Variants in C5 observed in about 807,000 individuals in gnomAD.
The protein encoded by C5 is C3 and PZP-like alpha-2-macroglobulin domain-containing protein 4.
A neutral mutation model predicts 218.8 loss-of-function variants in C5; 140 were observed. The ratio of observed to expected loss-of-function variants is 0.64; its 90% CI spans 0.56 to 0.74. The LOEUF is 0.74. Ranked by LOEUF, C5 falls within the 30% of genes least tolerant of loss-of-function variation. C5 has a pLI of 0.00. For synonymous variants in C5, 614 were observed against 682.3 expected (o/e 0.90, Z 1.56); for missense variants, 1,700 against 1,969.6 (o/e 0.86, Z 2.59).
the C5 span, among the ~76,000 whole-genome samples, chr9:121,071,365 CA>C: frequency 2.7e-5 from 4 of 149,236 alleles, no homozygotes; most frequent in African/African-American, 7.4e-5. Context: ...CCAACAAAAA[CA>C]AAAAAAAATA....
At position 120,962,358 on chromosome 9, in the gene C5, A is replaced by C. The variant is rs188410392; in HGVS notation, c.4504+313T>G. Among the ~76,000 whole-genome samples the C allele has an allele frequency of 7.3e-3, 1,105 of 152,260 alleles. 11 individuals carry two copies. Among genetic ancestry groups the C allele is most frequent in the African/African-American group, 0.025 (1,054 of 41,516 alleles). On this transcript the variant is annotated intron_variant, in intron 36 of 40. Transcript: ENST00000223642. ...TTGAGTTGATTTCTCTCAAAAGGAG[A>C]GATATGATTTATCTGTGAACACCAT...
the C5 span, among the ~76,000 whole-genome samples, chr9:121,056,061 T>A: frequency 6.6e-6 from 1 of 152,244 alleles, no homozygotes; most frequent in Non-Finnish European, 1.5e-5. Context: ...AGTGCTGAGA[T>A]GGCTGCAGTA....
chr9:120,999,878 T>A (rs1485597529), intron 20 of C5: 1 of 450,792 alleles, frequency 2.2e-6, no homozygotes, highest in South Asian at 1.6e-5. Context: ...GGCAGTATAG[T>A]GATATGCATG....
Position 120,953,888 on chromosome 9 carries a change from A to T in C5, c.4763-20T>A. On this transcript the variant is annotated intron_variant, in intron 39 of 40. Transcript: ENST00000223642. ...CTTCCCCTGAGAGACATGCAAGTCA[A>T]GTAAGGTTATACCATTCATGTTTTA... 6.2e-7 allele frequency: 1 copy of T among 1,613,506 alleles called. No homozygotes were observed. The highest frequency in any genetic ancestry group is 8.5e-7 in the Non-Finnish European group (1 of 1,179,414).
At chr9:121,002,238 GTATATGTATATATATGTA>G (rs1431421968) in intron 20 of C5, among the ~76,000 whole-genome samples, 19 of 58,588 alleles carry the variant, frequency 3.2e-4, no homozygotes, top group African/African-American at 5.1e-4. Context: ...ATGTATATAT[GTATATGTATATATATGTA>G]TATATGTATA....
At chr9:121,022,216 A>C in intron 10 of C5, among the ~76,000 whole-genome samples, 1 of 152,072 alleles carries the variant, frequency 6.6e-6, no homozygotes, top group African/African-American at 2.4e-5. Context: ...AAATGAGGCA[A>C]TCGCTTCTGG....
At chr9:121,066,877 C>A in the C5 span, among the ~76,000 whole-genome samples, 17,868 of 123,824 alleles carry the variant, frequency 0.14, 1,718 homozygotes, top group African/African-American at 0.27. Context: ...AAAAAAAAAA[C>A]AAAAACACAT....
chr9:120,990,752 A>G (rs2047071213), intron 23 of C5, among the ~76,000 whole-genome samples: 1 of 152,142 alleles, frequency 6.6e-6, no homozygotes, highest in Non-Finnish European at 1.5e-5. Context: ...AAATTTTGTT[A>G]TTTTGTTATG....
chr9:121,058,647 C>A, the C5 span, among the ~76,000 whole-genome samples: 2 of 152,080 alleles, frequency 1.3e-5, no homozygotes, highest in Non-Finnish European at 2.9e-5. Flanking sequence ...CCATATTGGC[C>A]AGGCTGGCCT....
chr9:121,036,903 A>G (rs1303743857), intron 4 of C5, among the ~76,000 whole-genome samples: 1 of 151,990 alleles, frequency 6.6e-6, no homozygotes, highest in Non-Finnish European at 1.5e-5. Context: ...GAGTAGCAGC[A>G]AAAGTGCTGC....
intron 32 of C5, 107 bp from the exon 33 acceptor site, chr9:120,969,225 C>T: frequency 2.3e-6 from 2 of 887,046 alleles, no homozygotes. Context: ...TCTTTGAACA[C>T]ACTTAAAAAT....
intron 5 of C5, among the ~76,000 whole-genome samples, chr9:121,033,737 T>C (rs1033344366): frequency 2.0e-5 from 3 of 152,254 alleles, no homozygotes; most frequent in Admixed American, 2.0e-4. Context: ...AAAATTTCAG[T>C]CAGCGAATTA....
At chr9:121,057,126 C>T in the C5 span, among the ~76,000 whole-genome samples, 5,880 of 152,124 alleles carry the variant, frequency 0.039, 186 homozygotes, top group Non-Finnish European at 0.063. Context: ...TTATATCCAG[C>T]ACAATTATTT....
At position 121,008,387 on chromosome 9, in the gene C5, A is replaced by C. The variant is rs768830694; in HGVS notation, c.2348+21T>G. On this transcript the variant is annotated intron_variant, in intron 18 of 40. Transcript: ENST00000223642. ...GCATTATCCACATTTCTTTCAAGGAAACATGAAAGAAGTATAATACCTTCT... is the reference window on the plus strand; with the variant it reads ...GCATTATCCACATTTCTTTCAAGGACACATGAAAGAAGTATAATACCTTCT... 1.9e-6 allele frequency: 3 copies of C among 1,555,300 alleles called. No individual in the cohort carries two copies. In the East Asian group the frequency reaches 6.7e-5, roughly 35 times the overall value.
In C5 at chr9:120,976,912, A is replaced by T; in HGVS notation, c.3659-7T>A. Reference sequence around the variant, plus strand: ...CGATAAATGGGTGGATTACCTGAACATCAACAAATTCCATTCATTAATATG... The same window carrying T: ...CGATAAATGGGTGGATTACCTGAACTTCAACAAATTCCATTCATTAATATG... On this transcript the variant is annotated splice_polypyrimidine_tract_variant and splice_region_variant and intron_variant, in intron 28 of 40. Coordinates refer to ENST00000223642, the MANE Select transcript of C5 (RefSeq NM_001735.3). The T allele has an allele frequency of 6.2e-7, 1 of 1,607,812 alleles. No individual in the cohort carries two copies. The highest frequency in any genetic ancestry group is 8.5e-7 in the Non-Finnish European group (1 of 1,174,242).
chr9:121,023,868 G>T (rs1216075235), intron 9 of C5, among the ~76,000 whole-genome samples: 5 of 151,980 alleles, frequency 3.3e-5, no homozygotes, highest in African/African-American at 1.2e-4. Flanking sequence ...ATTGAGGAGA[G>T]AGGGAAGGGT....
chr9:120,997,862 G>T (rs1180417529), intron 20 of C5, 88 bp from the exon 21 acceptor site: 2 of 1,117,466 alleles, frequency 1.8e-6, no homozygotes, highest in African/African-American at 1.5e-5. Context: ...GAGTGCAGCG[G>T]CATGATCTCA....
chr9:121,061,813 A>C, the C5 span, among the ~76,000 whole-genome samples: 1 of 152,232 alleles, frequency 6.6e-6, no homozygotes, highest in East Asian at 1.9e-4. Flanking sequence ...AGAACAGTGG[A>C]AATTATGCAC....
chr9:120,972,110 G>C, intron 30 of C5, 118 bp from the exon 31 acceptor site: 1 of 781,294 alleles, frequency 1.3e-6, no homozygotes, highest in Non-Finnish European at 2.2e-6. Flanking sequence ...GCTCTTCTGA[G>C]AGTAACTGGA....
Sources: gnomAD v4.1 joint callset for allele counts (sites outside exome capture counted in the v4.1 genomes callset) on GRCh38, gnomAD v4.1.1 for gene constraint, MANE v1.5 for transcripts, NCBI Gene and HGNC (gene_info 2026-07-23, HGNC 2026-07-21) for gene names.